Variants in TLCD2 observed in about 807,000 individuals in gnomAD.
TLCD2 encodes the protein TLC domain containing 2.
Under a neutral mutation model 14.0 loss-of-function variants are expected in TLCD2, and 12 were observed. The observed-to-expected ratio is 0.86, with a 90% CI of 0.55 to 1.39. The LOEUF (loss-of-function observed/expected upper bound fraction) is 1.39. Ranked by LOEUF, TLCD2 falls within the 40% of genes most tolerant of loss-of-function variation. The pLI is 0.00. For synonymous variants in TLCD2, 166 were observed against 156.5 expected, an observed-to-expected ratio of 1.06 and a Z score of -0.45; for missense variants, 360 against 346.8, an observed-to-expected ratio of 1.04 and a Z score of -0.30.
rs1207119352 is a variant in TLCD2, at chr17:1,708,085, C to T, written c.480G>A (p.Leu160=). ...LLLLSRQAPS[L]AFSVTSWASL... ...AGGCCCAGCTGGTCACGCTGAAGGCCAGGGATGGGGCCTGGCGAGAAAGCA... is the reference window on the plus strand; with the variant it reads ...AGGCCCAGCTGGTCACGCTGAAGGCTAGGGATGGGGCCTGGCGAGAAAGCA... Residue 160 remains leucine, a synonymous_variant, in exon 4 of 4, where the codon CTG becomes CTA. Transcript: ENST00000330676. 3 of 1,537,176 alleles carry T rather than the reference C, an allele frequency of 2.0e-6. No homozygotes were observed. The highest frequency in any genetic ancestry group is 2.4e-5 in the East Asian group (1 of 40,918).
rs1234582146 is a variant in TLCD2 at position 1,706,028 on chromosome 17, G to C, written c.*1742C>G. 1 of 151,330 alleles carries C rather than the reference G, an allele frequency of 6.6e-6. No individual in the cohort carries two copies. Among genetic ancestry groups the C allele is most frequent in the Non-Finnish European group, 1.5e-5 (1 of 67,982 alleles). 9.4% of individuals were successfully genotyped at this position (151,330 alleles called of 1,614,324 possible). A position where few individuals can be genotyped will look rare whatever the true frequency, so the allele number is the denominator to read the frequency against. The stretch of plus-strand genomic sequence containing the variant: ...TCACTCTGTTTGCCCAGGCTGGAGT[G>C]CAGTGGCACGACCTCGGCTCACTGC... On this transcript the variant is annotated 3_prime_UTR_variant, in exon 4 of 4. Transcript: ENST00000330676.
At position 1,707,136 on chromosome 17, in the gene TLCD2, C is replaced by A. The variant is rs1278097288; in HGVS notation, c.*634G>T. On this transcript the variant is annotated 3_prime_UTR_variant, in exon 4 of 4. Coordinates refer to ENST00000330676, the MANE Select transcript of TLCD2 (RefSeq NM_001164407.2). ...GAGCCGAAATCGTGCCACTACACTC[C>A]AGCCTGGGTGACAGAGTAAGATTCC... 6.6e-6 allele frequency: 1 copy of A among 152,028 alleles called. No homozygotes were observed. Among genetic ancestry groups the A allele is most frequent in the African/African-American group, 2.4e-5 (1 of 41,350 alleles). The allele number at this position is 152,028 out of a possible 1,614,324, so 9.4% of individuals were successfully genotyped here.
rs1914100114 is a variant in TLCD2 at position 1,708,222 on chromosome 17, C to T, written c.343G>A (p.Val115Met). The T allele has an allele frequency of 6.6e-7, 1 of 1,518,426 alleles. No homozygotes were observed. Among genetic ancestry groups the T allele is most frequent in the African/African-American group, 1.4e-5 (1 of 72,656 alleles). The allele number at this position is 1,518,426 out of a possible 1,614,324, so 94.1% of individuals were successfully genotyped here. A position where few individuals can be genotyped will look rare whatever the true frequency, so the allele number is the denominator to read the frequency against. The part of the protein sequence containing the change: ...TWDLLCHHLV[V>M]VSCLSTAVLS... Reference sequence around the variant, plus strand: ...ACAGCGGTGCTGAGGCAGCTCACCACCTGGGAGCCAGGGTCACAGGTCAGA... The same window carrying T: ...ACAGCGGTGCTGAGGCAGCTCACCATCTGGGAGCCAGGGTCACAGGTCAGA... The change falls in exon 4 of 4, where the codon GTG (valine) becomes ATG (methionine). Residue 115 changes from valine to methionine, a missense_variant and splice_region_variant. By Grantham distance (21) the Val-to-Met change is conservative. Transcript: ENST00000330676.
intron 1 of TLCD2, 75 bp downstream of exon 1, chr17:1,709,992 G>T (rs1417528092): frequency 2.0e-6 from 3 of 1,512,144 alleles, no homozygotes; most frequent in Non-Finnish European, 2.6e-6. Flanking sequence ...CTCTGGAGAC[G>T]CCCGGCGGGT....
rs1567707016 is a variant in TLCD2 at position 1,709,768 on chromosome 17, T to TC, written c.259+35dup. On this transcript the variant is annotated intron_variant, in intron 2 of 3. Transcript: ENST00000330676. ...ACAGCAGAACCTGCCCCCCGCCCCA[T>TC]CCCCACCACCGGCCCAGCCTTCCCT... is the stretch of plus-strand genomic sequence containing the variant. The TC allele has an allele frequency of 5.3e-6, 6 of 1,134,780 alleles. No individual in the cohort carries two copies. The Admixed American group carries it at 1.2e-4, about 23-fold the overall frequency. The allele number at this position is 1,134,780 out of a possible 1,614,324, so 70.3% of individuals were successfully genotyped here.
Position 1,710,003 on chromosome 17 carries a change from C to T in TLCD2, c.176+64G>A, listed in dbSNP as rs1914171685. 5.9e-6 allele frequency: 9 copies of T among 1,516,962 alleles called. No homozygotes were observed. Among genetic ancestry groups the T allele is most frequent in the Non-Finnish European group, 7.9e-6 (9 of 1,137,528 alleles). 94.0% of individuals were successfully genotyped at this position (1,516,962 alleles called of 1,614,324 possible). On this transcript the variant is annotated intron_variant, in intron 1 of 3. Coordinates refer to ENST00000330676, the MANE Select transcript of TLCD2 (RefSeq NM_001164407.2). This position sits in a 1 kb window ranked among gnomAD's most constrained non-coding sequence, Gnocchi z 6.1. ...TCAGCTCTGGAGACGCCCGGCGGGT[C>T]TCCCGGCCTCAGCCTCCCACCCCTC...
chr17:1,708,265 C>T (rs1235154121), intron 3 of TLCD2, 43 bp from the exon 4 acceptor site: 2 of 1,418,898 alleles, frequency 1.4e-6, no homozygotes, highest in East Asian at 2.5e-5. Context: ...CATGACCTGC[C>T]AGCCATCATG....
Position 1,704,254 on chromosome 17 carries a change from A to T in TLCD2, c.*3516T>A, listed in dbSNP as rs1385498026. The T allele has an allele frequency of 2.8e-5, 4 of 140,850 alleles. No homozygotes were observed. Among genetic ancestry groups the T allele is most frequent in the Non-Finnish European group, 6.2e-5 (4 of 64,238 alleles). 8.7% of individuals were successfully genotyped at this position (140,850 alleles called of 1,614,324 possible). A position where few individuals can be genotyped will look rare whatever the true frequency, so the allele number is the denominator to read the frequency against. ...AAAAAAAAAAAAAAGAAGAAAAGAA[A>T]GAAAAAAGAAAATTTTTTTTTTTTG... is the stretch of plus-strand genomic sequence containing the variant. On this transcript the variant is annotated 3_prime_UTR_variant, in exon 4 of 4. Coordinates refer to ENST00000330676, the MANE Select transcript of TLCD2 (RefSeq NM_001164407.2).
chr17:1,705,113 T>A lies in TLCD2; in HGVS notation c.*2657A>T, dbSNP rs1443961875. ...AGTTGACACCCCTGATTCTGACTTGTCCTTATCTTCCTACCAGTCTCTGCC... is the reference window on the plus strand; with the variant it reads ...AGTTGACACCCCTGATTCTGACTTGACCTTATCTTCCTACCAGTCTCTGCC... On this transcript the variant is annotated 3_prime_UTR_variant, in exon 4 of 4. Transcript: ENST00000330676. 1 of 152,196 alleles carries A rather than the reference T, an allele frequency of 6.6e-6. No homozygotes were observed. Among genetic ancestry groups the A allele is most frequent in the African/African-American group, 2.4e-5 (1 of 41,426 alleles). The allele number at this position is 152,196 out of a possible 1,614,324, so 9.4% of individuals were successfully genotyped here.
rs1914159551 is a variant in TLCD2 at position 1,709,748 on chromosome 17, A to C, written c.259+56T>G. The C allele has an allele frequency of 3.8e-6, 5 of 1,304,874 alleles. No homozygotes were observed. In the South Asian group the frequency reaches 6.3e-5, roughly 16 times the overall value. 80.8% of individuals were successfully genotyped at this position (1,304,874 alleles called of 1,614,324 possible). On this transcript the variant is annotated intron_variant, in intron 2 of 3. Transcript: ENST00000330676. ...CGGGGAATGGACCTGGAAGGACAGCAGAACCTGCCCCCCGCCCCATCCCCA... is the reference window on the plus strand; with the variant it reads ...CGGGGAATGGACCTGGAAGGACAGCCGAACCTGCCCCCCGCCCCATCCCCA...
Position 1,709,217 on chromosome 17 carries a change from C to T in TLCD2, c.342+282G>A, listed in dbSNP as rs529398597. The stretch of plus-strand genomic sequence containing the variant: ...CAGCCTGGCCAACATGGAGAAACCC[C>T]GTCTTTACTAAAAATACAAAAAATT... On this transcript the variant is annotated intron_variant, in intron 3 of 3. Coordinates refer to ENST00000330676, the MANE Select transcript of TLCD2 (RefSeq NM_001164407.2). Among the ~76,000 whole-genome samples the T allele has an allele frequency of 3.3e-5, 5 of 152,050 alleles. No individual in the cohort carries two copies. The South Asian group carries it at 8.3e-4, about 25-fold the overall frequency.
In TLCD2 at chr17:1,707,823, G is replaced by A. The variant is rs898924370; in HGVS notation, c.742C>T (p.Arg248Cys). Reference sequence around the variant, plus strand: ...TTGCTGGTGACAGGTCCATTGTCACGACGTGTCCTGGTCCCCCTGGTTTTC... The same window carrying A: ...TTGCTGGTGACAGGTCCATTGTCACAACGTGTCCTGGTCCCCCTGGTTTTC... ...HEKTRGTRTRRDNGPVTSNSS... is the reference protein window; with the variant it reads ...HEKTRGTRTRCDNGPVTSNSS... The change falls in exon 4 of 4, where the codon CGT (arginine) becomes TGT (cysteine). Residue 248 changes from arginine to cysteine, a missense_variant. Arg to Cys is a radical substitution (Grantham distance 180, BLOSUM62 -3). Transcript: ENST00000330676. 5.2e-6 allele frequency: 8 copies of A among 1,530,054 alleles called. No homozygotes were observed. Among genetic ancestry groups the A allele is most frequent in the South Asian group, 3.6e-5 (3 of 82,956 alleles). 94.8% of individuals were successfully genotyped at this position (1,530,054 alleles called of 1,614,324 possible). A position where few individuals can be genotyped will look rare whatever the true frequency, so the allele number is the denominator to read the frequency against.
chr17:1,710,103 G>C lies in TLCD2; in HGVS notation c.140C>G (p.Ala47Gly). 1 of 1,533,412 alleles carries C rather than the reference G, an allele frequency of 6.5e-7. No homozygotes were observed. The highest frequency in any genetic ancestry group is 8.7e-7 in the Non-Finnish European group (1 of 1,146,370). 95.0% of individuals were successfully genotyped at this position (1,533,412 alleles called of 1,614,324 possible). ...WQWWNLCVSL[A>G]HSLLSGTGAL... Reference sequence around the variant, plus strand: ...CCCGGTCCCCGAGAGCAGGCTGTGCGCCAGGGAGACGCAGAGGTTCCACCA... The same window carrying C: ...CCCGGTCCCCGAGAGCAGGCTGTGCCCCAGGGAGACGCAGAGGTTCCACCA... The change falls in exon 1 of 4, where the codon GCG becomes GGG. Residue 47 changes from alanine to glycine, a missense_variant. Coordinates refer to ENST00000330676, the MANE Select transcript of TLCD2 (RefSeq NM_001164407.2). This position sits in a 1 kb window ranked among gnomAD's most constrained non-coding sequence, Gnocchi z 6.1.
rs1329064539 is a variant in TLCD2, at chr17:1,710,036, C to T, written c.176+31G>A. On this transcript the variant is annotated intron_variant, in intron 1 of 3. Coordinates refer to ENST00000330676, the MANE Select transcript of TLCD2 (RefSeq NM_001164407.2). The surrounding 1 kb of genome is among the most constrained non-coding windows in gnomAD (Gnocchi z 6.1). ...CTCAGCCTCCCACCCCTCGCCCTCGCCCCGTGCGCCTCGAGCCCCCAAGCC... is the reference window on the plus strand; with the variant it reads ...CTCAGCCTCCCACCCCTCGCCCTCGTCCCGTGCGCCTCGAGCCCCCAAGCC... 20 of 1,530,424 alleles carry T rather than the reference C, an allele frequency of 1.3e-5. No individual in the cohort carries two copies. The highest frequency in any genetic ancestry group is 1.7e-5 in the Non-Finnish European group (20 of 1,144,894). 94.8% of individuals were successfully genotyped at this position (1,530,424 alleles called of 1,614,324 possible). A position where few individuals can be genotyped will look rare whatever the true frequency, so the allele number is the denominator to read the frequency against.
Position 1,709,835 on chromosome 17 carries a change from G to T in TLCD2, c.228C>A (p.Arg76=), listed in dbSNP as rs1181590436. Residue 76 remains arginine (R), a synonymous_variant, in exon 2 of 4, where the codon CGC becomes CGA. Coordinates refer to ENST00000330676, the MANE Select transcript of TLCD2 (RefSeq NM_001164407.2). ...MAADPIHGHP[R]WALVLVAVSV... ...ACACAGCCACCAGCACCAGAGCCCA[G>T]CGCGGGTGGCCATGGATGGGGTCGG... The T allele has an allele frequency of 6.6e-7, 1 of 1,508,802 alleles. No individual in the cohort carries two copies. Among genetic ancestry groups the T allele is most frequent in the Admixed American group, 2.0e-5 (1 of 50,730 alleles). 93.5% of individuals were successfully genotyped at this position (1,508,802 alleles called of 1,614,324 possible).
In TLCD2 at chr17:1,709,802, A is replaced by G; in HGVS notation, c.259+2T>C. ...CCGGCCCAGCCTTCCCTGCAGACTC[A>G]CCCACAGACACAGCCACCAGCACCA... On this transcript the variant is annotated splice_donor_variant, in intron 2 of 3. Transcript: ENST00000330676. LOFTEE classifies it high-confidence loss of function. The G allele has an allele frequency of 6.6e-7, 1 of 1,519,344 alleles. No homozygotes were observed. The highest frequency in any genetic ancestry group is 8.8e-7 in the Non-Finnish European group (1 of 1,132,176). The allele number at this position is 1,519,344 out of a possible 1,614,324, so 94.1% of individuals were successfully genotyped here. A position where few individuals can be genotyped will look rare whatever the true frequency, so the allele number is the denominator to read the frequency against.
rs764774562 is a variant in TLCD2 at position 1,709,843 on chromosome 17, G to A, written c.220C>T (p.His74Tyr). The A allele has an allele frequency of 6.5e-7, 1 of 1,535,264 alleles. No homozygotes were observed. The highest frequency in any genetic ancestry group is 1.2e-5 in the South Asian group (1 of 84,046). ...PQMAADPIHG[H>Y]PRWALVLVAV... is the part of the protein sequence containing the mutation. ...ACCAGCACCAGAGCCCAGCGCGGGTGGCCATGGATGGGGTCGGCGGCCATC... is the reference window on the plus strand; with the variant it reads ...ACCAGCACCAGAGCCCAGCGCGGGTAGCCATGGATGGGGTCGGCGGCCATC... Residue 74 changes from histidine (H) to tyrosine (Y), a missense_variant, in exon 2 of 4, where the codon CAC (histidine) becomes TAC (tyrosine). Transcript: ENST00000330676.
chr17:1,703,091 C>G lies in TLCD2; in HGVS notation c.*4679G>C, dbSNP rs1266077617. On this transcript the variant is annotated 3_prime_UTR_variant, in exon 4 of 4. Transcript: ENST00000330676. ...TTTAACCTCTGCATTTTTGAACGTCCTTTTTTTAGGGTCTTAATTGACCAT... is the reference window on the plus strand; with the variant it reads ...TTTAACCTCTGCATTTTTGAACGTCGTTTTTTTAGGGTCTTAATTGACCAT... 6.6e-6 allele frequency: 1 copy of G among 151,806 alleles called. No individual in the cohort carries two copies. Among genetic ancestry groups the G allele is most frequent in the Non-Finnish European group, 1.5e-5 (1 of 67,984 alleles). The allele number at this position is 151,806 out of a possible 1,614,324, so 9.4% of individuals were successfully genotyped here. A position where few individuals can be genotyped will look rare whatever the true frequency, so the allele number is the denominator to read the frequency against.
Position 1,709,887 on chromosome 17 carries a change from C to A in TLCD2, c.177-1G>T, listed in dbSNP as rs1367275615. The A allele has an allele frequency of 1.6e-6, 2 of 1,289,800 alleles. No homozygotes were observed. Among genetic ancestry groups the A allele is most frequent in the Admixed American group, 4.0e-5 (2 of 50,020 alleles). The allele number at this position is 1,289,800 out of a possible 1,614,324, so 79.9% of individuals were successfully genotyped here. On this transcript the variant is annotated splice_acceptor_variant, in intron 1 of 3. Transcript: ENST00000330676. LOFTEE classifies it high-confidence loss of function. ...GGCCATCTGAGGGTACAGTGACAGG[C>A]TGGGGGCATGGGGTGGGGACATGGG...
Sources: gnomAD v4.1 joint callset for allele counts (sites outside exome capture counted in the v4.1 genomes callset) on GRCh38, gnomAD v4.1.1 for gene constraint, Gnocchi (gnomAD v3.1) non-coding constraint, MANE v1.5 for transcripts, NCBI Gene and HGNC (gene_info 2026-07-23, HGNC 2026-07-21) for gene names.